Variants in SMAD1 observed in about 807,000 individuals in gnomAD.
SMAD1 encodes the protein MAD, mothers against decapentaplegic homolog 1.
SMAD1 carries 6 observed loss-of-function variants against 41.6 expected under a neutral mutation model. The ratio of observed to expected loss-of-function variants is 0.14; its 90% confidence interval spans 0.08 to 0.28. The LOEUF is 0.28. Ranked by LOEUF, SMAD1 falls within the 10% of genes least tolerant of loss-of-function variation. The pLI, the probability that SMAD1 is intolerant of heterozygous loss-of-function variation, is 1.00. For synonymous variants in SMAD1, 206 were observed against 203.2 expected (o/e 1.01, Z -0.12); for missense variants, 379 against 582.6 (o/e 0.65, Z 3.60).
At chr4:145,484,017 A>G (rs890176201) in intron 1 of SMAD1, among the ~76,000 whole-genome samples, 2 of 152,320 alleles carry the variant, frequency 1.3e-5, no homozygotes, top group South Asian at 2.1e-4. Context: ...ATTAAGAGGA[A>G]GTTGTCACAT....
At chr4:145,504,526 T>C (rs772729008) in intron 1 of SMAD1, among the ~76,000 whole-genome samples, 2 of 152,220 alleles carry the variant, frequency 1.3e-5, no homozygotes, top group Non-Finnish European at 2.9e-5. Flanking sequence ...CTGCTACTTA[T>C]CGTTGTGTTC....
chr4:145,515,134 CTG>C lies in SMAD1; in HGVS notation c.400+163_400+164del, dbSNP rs377610507. ...TGTAATTTAAAAATATTTGGGGAAA[CTG>C]TGTGTGTGTGTGTGTGTGTGTGTGT... On this transcript the variant is annotated intron_variant, in intron 2 of 6. Transcript: ENST00000302085. 0.17 allele frequency: 88,633 copies of C among 530,598 alleles called. 2,906 individuals are homozygous for C. The highest frequency in any genetic ancestry group is 0.32 in the East Asian group (9,050 of 28,666). The allele number at this position is 530,598 out of a possible 1,614,324, so 32.9% of individuals were successfully genotyped here. A position where few individuals can be genotyped will look rare whatever the true frequency, so the allele number is the denominator to read the frequency against.
At chr4:145,500,627 C>G (rs962492530) in intron 1 of SMAD1, among the ~76,000 whole-genome samples, 1 of 152,126 alleles carries the variant, frequency 6.6e-6, no homozygotes, top group South Asian at 2.1e-4. Context: ...CTTTTTGTGT[C>G]TCTTTCAGTG....
At chr4:145,541,884 T>C (rs1024188776) in intron 3 of SMAD1, among the ~76,000 whole-genome samples, 1 of 152,214 alleles carries the variant, frequency 6.6e-6, no homozygotes, top group Non-Finnish European at 1.5e-5. Flanking sequence ...ATTAAGAAAA[T>C]GCAAGACTTG....
intron 2 of SMAD1, among the ~76,000 whole-genome samples, chr4:145,526,450 A>G (rs563979291): frequency 3.3e-4 from 50 of 152,338 alleles, no homozygotes; most frequent in African/African-American, 1.2e-3. Flanking sequence ...TCAACTTGGG[A>G]GAAAAGTTGT....
Position 145,553,870 on chromosome 4 carries a change from T to C in SMAD1, c.1084T>C (p.Tyr362His). The change falls in exon 6 of 7, where the codon TAC (tyrosine) becomes CAC (histidine). Residue 362 changes from tyrosine to histidine, a missense_variant. By Grantham distance (83) the Tyr-to-His change is moderately conservative. This residue lies in a region of SMAD1 where 107 missense variants were observed against 218.3 expected (regional missense o/e 0.49). Transcript: ENST00000302085. ...SIFVQSRNCN[Y>H]HHGFHPTTVC... ...CTTTGTGCAAAGTCGGAACTGCAAC[T>C]ACCATCATGGATTTCATCCTACTAC... 1 of 1,614,174 alleles carries C rather than the reference T, an allele frequency of 6.2e-7. No individual in the cohort carries two copies. Among genetic ancestry groups the C allele is most frequent in the Admixed American group, 1.7e-5 (1 of 60,016 alleles).
At chr4:145,522,088 A>T (rs1553946806) in intron 2 of SMAD1, among the ~76,000 whole-genome samples, 2 of 151,706 alleles carry the variant, frequency 1.3e-5, no homozygotes, top group Non-Finnish European at 2.9e-5. Context: ...CGGGCGGATC[A>T]CGAGGTGACC....
intron 4 of SMAD1, among the ~76,000 whole-genome samples, chr4:145,543,587 C>G (rs1732071449): frequency 6.6e-6 from 1 of 152,170 alleles, no homozygotes; most frequent in Non-Finnish European, 1.5e-5. Context: ...ATTTCTTTCC[C>G]CCTTTAGTAA....
At chr4:145,535,984 CAAAA>C (rs143317658) in intron 2 of SMAD1, among the ~76,000 whole-genome samples, 1 of 113,084 alleles carries the variant, frequency 8.8e-6, no homozygotes, top group Admixed American at 9.0e-5. Context: ...CTTAGTATAC[CAAAA>C]AAAAAAAAAA....
intron 2 of SMAD1, among the ~76,000 whole-genome samples, chr4:145,537,524 G>A (rs1164181669): frequency 6.6e-6 from 1 of 152,112 alleles, no homozygotes; most frequent in Non-Finnish European, 1.5e-5. Flanking sequence ...GTTCATAGAA[G>A]TTTTTATAAC....
intron 5 of SMAD1, among the ~76,000 whole-genome samples, chr4:145,550,292 C>T (rs973611543): frequency 4.6e-5 from 7 of 152,062 alleles, no homozygotes; most frequent in African/African-American, 1.7e-4. Context: ...GCAGGTGGAT[C>T]AGTTGAGGTC....
intron 2 of SMAD1, among the ~76,000 whole-genome samples, chr4:145,529,110 T>C (rs1156280505): frequency 6.6e-6 from 1 of 152,232 alleles, no homozygotes; most frequent in Non-Finnish European, 1.5e-5. Flanking sequence ...GTTTAAATAG[T>C]AAATTGCCCT....
In SMAD1 at chr4:145,536,483, G is replaced by T. The variant is rs1466861765; in HGVS notation, c.401-3321G>T. On this transcript the variant is annotated intron_variant, in intron 2 of 6. Coordinates refer to ENST00000302085, the MANE Select transcript of SMAD1 (RefSeq NM_005900.3). ...ACAGGCACCCAATGGCCAAATCTAA[G>T]ACAATATGACCATCAAAATAGATAA... Among the ~76,000 whole-genome samples, 11 of 152,038 alleles carry T rather than the reference G, an allele frequency of 7.2e-5. 1 individual carries two copies. Among genetic ancestry groups the T allele is most frequent in the Admixed American group, 7.2e-4 (11 of 15,262 alleles).
intron 2 of SMAD1, among the ~76,000 whole-genome samples, chr4:145,523,230 T>C (rs1030836426): frequency 1.3e-5 from 2 of 152,296 alleles, no homozygotes; most frequent in African/African-American, 4.8e-5. Flanking sequence ...CACTGTATTC[T>C]AAATTGAATA....
intron 2 of SMAD1, among the ~76,000 whole-genome samples, chr4:145,532,908 G>T (rs1057386605): frequency 2.0e-5 from 3 of 152,226 alleles, no homozygotes; most frequent in Non-Finnish European, 4.4e-5. Flanking sequence ...ATTGCACAAA[G>T]AAAGTGTGCT....
At position 145,514,433 on chromosome 4, in the gene SMAD1, T is replaced by C; in HGVS notation, c.-176-5T>C. 2 of 541,486 alleles carry C rather than the reference T, an allele frequency of 3.7e-6. No individual in the cohort carries two copies. Among genetic ancestry groups the C allele is most frequent in the Non-Finnish European group, 6.4e-6 (2 of 313,224 alleles). The allele number at this position is 541,486 out of a possible 1,614,324, so 33.5% of individuals were successfully genotyped here. On this transcript the variant is annotated splice_polypyrimidine_tract_variant and splice_region_variant and intron_variant, in intron 1 of 6. Coordinates refer to ENST00000302085, the MANE Select transcript of SMAD1 (RefSeq NM_005900.3). The surrounding 1 kb of genome is among the most constrained non-coding windows in gnomAD (Gnocchi z 4.7). The stretch of plus-strand genomic sequence containing the variant: ...GATTCTAACCATTCTTTTTTTGTTT[T>C]GTAGGTGCTGACTGGGTTACTTTTT...
chr4:145,486,863 C>T (rs906752632), intron 1 of SMAD1, among the ~76,000 whole-genome samples: 1 of 152,188 alleles, frequency 6.6e-6, no homozygotes, highest in East Asian at 1.9e-4. Context: ...CTGGACTCCT[C>T]TTGGCATTAA....
Position 145,482,933 on chromosome 4 carries a change from G to C in SMAD1, c.-177+895G>C, listed in dbSNP as rs1209431661. On this transcript the variant is annotated intron_variant, in intron 1 of 6. Transcript: ENST00000302085. This position sits in a 1 kb window ranked among gnomAD's most constrained non-coding sequence, Gnocchi z 4.2. ...GTGGTGGGCGTGAGAGACAGATGTG[G>C]GCTTGTTTTTCTAGTTGCTGAAACT... 6.6e-6 allele frequency: 1 copy of C among 152,184 alleles called. No homozygotes were observed. Among genetic ancestry groups the C allele is most frequent in the Non-Finnish European group, 1.5e-5 (1 of 68,064 alleles). 9.4% of individuals were successfully genotyped at this position (152,184 alleles called of 1,614,324 possible).
At chr4:145,548,466 G>T (rs1290626017) in intron 5 of SMAD1, among the ~76,000 whole-genome samples, 1 of 152,058 alleles carries the variant, frequency 6.6e-6, no homozygotes, top group Admixed American at 6.6e-5. Flanking sequence ...AACCTCAAAC[G>T]ATCAGCCTGC....
Sources: gnomAD v4.1 joint callset for allele counts (sites outside exome capture counted in the v4.1 genomes callset) on GRCh38, gnomAD v4.1.1 for gene constraint, gnomAD v4.1.1 regional missense constraint, Gnocchi (gnomAD v3.1) non-coding constraint, MANE v1.5 for transcripts, NCBI Gene and HGNC (gene_info 2026-07-23, HGNC 2026-07-21) for gene names.